BMP6: variants seen among roughly 807,000 people sequenced by gnomAD.
BMP6 encodes the protein VG-1-R.
BMP6 carries 17 observed loss-of-function variants against 54.1 expected under a neutral mutation model. That is an observed-to-expected ratio of 0.31 (90% CI 0.22 to 0.47). BMP6 has a LOEUF of 0.47. Among genes scored for constraint, BMP6 ranks in the 20% least tolerant of loss-of-function variants. BMP6 has a pLI of 1.00. For missense variants in BMP6, 720 were observed against 690.4 expected (o/e 1.04, Z -0.48); for synonymous variants, 328 against 291.2 (o/e 1.13, Z -1.28).
At chr6:7,743,746 T>C (rs555899055) in intron 1 of BMP6, among the ~76,000 whole-genome samples, 2 of 152,304 alleles carry the variant, frequency 1.3e-5, no homozygotes, top group South Asian at 2.1e-4. Flanking sequence ...AAATAAAATA[T>C]GTCACCAGAA....
intron 4 of BMP6, 118 bp from the exon 5 acceptor site, chr6:7,878,956 C>A (rs1454201659): frequency 2.5e-5 from 24 of 974,090 alleles, no homozygotes; most frequent in Middle Eastern, 2.2e-4. Flanking sequence ...ATACTTGTAT[C>A]TAGGAGGCTA....
intron 4 of BMP6, among the ~76,000 whole-genome samples, chr6:7,868,731 G>A (rs1759470376): frequency 6.6e-6 from 1 of 152,274 alleles, no homozygotes; most frequent in South Asian, 2.1e-4. Context: ...CTGCCATGCT[G>A]GTATTTTCTT....
At chr6:7,771,331 G>A (rs148721648) in intron 1 of BMP6, among the ~76,000 whole-genome samples, 75 of 152,308 alleles carry the variant, frequency 4.9e-4, no homozygotes, top group African/African-American at 1.7e-3. Context: ...CTAATTTGAT[G>A]TTTGTGGGAC....
chr6:7,825,528 C>T (rs901817170), intron 1 of BMP6, among the ~76,000 whole-genome samples: 2 of 151,946 alleles, frequency 1.3e-5, no homozygotes, highest in Admixed American at 1.3e-4. Context: ...CGAGACCAGC[C>T]TGACCAATAT....
At chr6:7,850,589 C>T (rs1490218573) in intron 2 of BMP6, among the ~76,000 whole-genome samples, 2 of 152,092 alleles carry the variant, frequency 1.3e-5, no homozygotes, top group African/African-American at 4.8e-5. Flanking sequence ...ATATAATTGT[C>T]CCAGGAGAGA....
At chr6:7,842,243 T>C (rs1758984170) in intron 1 of BMP6, among the ~76,000 whole-genome samples, 1 of 152,230 alleles carries the variant, frequency 6.6e-6, no homozygotes, top group East Asian at 1.9e-4. Context: ...TTTCAAGGCC[T>C]CTTGTGCAGC....
chr6:7,862,625 A>G (rs902318760), intron 4 of BMP6, 127 bp downstream of exon 4: 2 of 1,198,982 alleles, frequency 1.7e-6, no homozygotes, highest in Non-Finnish European at 2.4e-6. Flanking sequence ...TAGGTGTCAT[A>G]TGCATGATGG....
chr6:7,798,702 A>G (rs946560925), intron 1 of BMP6, among the ~76,000 whole-genome samples: 1 of 152,220 alleles, frequency 6.6e-6, no homozygotes, highest in African/African-American at 2.4e-5. Context: ...TTGCAGGAAC[A>G]AGGACAGACC....
At chr6:7,813,861 T>G (rs4535593) in intron 1 of BMP6, among the ~76,000 whole-genome samples, 55,970 of 151,890 alleles carry the variant, frequency 0.37, 11,354 homozygotes, top group East Asian at 0.73. Context: ...TCACTCCCTT[T>G]TCTGATTTCC....
chr6:7,821,827 C>CTT (rs1031704020), intron 1 of BMP6, among the ~76,000 whole-genome samples: 1 of 152,176 alleles, frequency 6.6e-6, no homozygotes, highest in Admixed American at 6.5e-5. Flanking sequence ...TCTCCACTGT[C>CTT]TAAGACTATT....
intron 1 of BMP6, among the ~76,000 whole-genome samples, chr6:7,837,838 A>G (rs908562792): frequency 6.6e-6 from 1 of 152,254 alleles, no homozygotes; most frequent in African/African-American, 2.4e-5. Flanking sequence ...AACTTGAAAA[A>G]TTAAAAATGG....
intron 4 of BMP6, among the ~76,000 whole-genome samples, chr6:7,878,431 C>T (rs1469348615): frequency 6.6e-6 from 1 of 152,152 alleles, no homozygotes; most frequent in Non-Finnish European, 1.5e-5. Context: ...AGGGTGGGTA[C>T]ATGCACTTCA....
rs1216081362 is a variant in BMP6 at position 7,880,522 on chromosome 6, A to G, written c.*179A>G. The G allele has an allele frequency of 1.2e-6, 1 of 817,470 alleles. No homozygotes were observed. Among genetic ancestry groups the G allele is most frequent in the Non-Finnish European group, 1.9e-6 (1 of 528,692 alleles). 50.6% of individuals were successfully genotyped at this position (817,470 alleles called of 1,614,324 possible). Reference sequence around the variant, plus strand: ...CTCATTAATAATTTGCTCACTTGGTAAATGACGTGAGTAGTTGTTGGTCTG... The same window carrying G: ...CTCATTAATAATTTGCTCACTTGGTGAATGACGTGAGTAGTTGTTGGTCTG... On this transcript the variant is annotated 3_prime_UTR_variant, in exon 7 of 7. Coordinates refer to ENST00000283147, the MANE Select transcript of BMP6 (RefSeq NM_001718.6).
intron 1 of BMP6, among the ~76,000 whole-genome samples, chr6:7,789,907 A>AT (rs199553892): frequency 6.8e-4 from 103 of 151,686 alleles, no homozygotes; most frequent in African/African-American, 1.5e-3. Context: ...TGGTAGACTG[A>AT]TTTTTTTTTA....
intron 1 of BMP6, among the ~76,000 whole-genome samples, chr6:7,731,895 A>G (rs1207359622): frequency 6.6e-6 from 1 of 152,208 alleles, no homozygotes; most frequent in Non-Finnish European, 1.5e-5. Flanking sequence ...ATTTGAATTC[A>G]CGAGGTATTT....
chr6:7,860,859 A>G (rs1030774407), intron 2 of BMP6, among the ~76,000 whole-genome samples: 8 of 152,186 alleles, frequency 5.3e-5, no homozygotes, highest in African/African-American at 1.9e-4. Flanking sequence ...AAAACAAGAA[A>G]AAATGAGCAA....
At chr6:7,828,722 G>T (rs1758741445) in intron 1 of BMP6, among the ~76,000 whole-genome samples, 1 of 152,256 alleles carries the variant, frequency 6.6e-6, no homozygotes, top group Non-Finnish European at 1.5e-5. Context: ...GCCTTCCCTT[G>T]TGGGGCATAC....
In BMP6 at chr6:7,779,503, C is replaced by A. The variant is rs372202168; in HGVS notation, c.664+51884C>A. On this transcript the variant is annotated intron_variant, in intron 1 of 6. Coordinates refer to ENST00000283147, the MANE Select transcript of BMP6 (RefSeq NM_001718.6). ...ACAGGCGCCCACCACCACGCCCAGG[C>A]TAATTTTTATATATTTGGTAGAGAC... Among the ~76,000 whole-genome samples the A allele has an allele frequency of 3.3e-5, 5 of 151,926 alleles. No individual in the cohort carries two copies. The South Asian group carries it at 8.3e-4, about 25-fold the overall frequency.
At chr6:7,817,139 A>G (rs1046535119) in intron 1 of BMP6, among the ~76,000 whole-genome samples, 1 of 152,142 alleles carries the variant, frequency 6.6e-6, no homozygotes, top group African/African-American at 2.4e-5. Flanking sequence ...AATTTGTAAC[A>G]TGCTTTTAAG....
Sources: allele counts gnomAD v4.1 joint callset (sites outside exome capture counted in the v4.1 genomes callset), GRCh38; gene constraint gnomAD v4.1.1; transcripts MANE v1.5; gene names NCBI Gene and HGNC (gene_info 2026-07-23, HGNC 2026-07-21).